The following ABCA9 variants were observed in gnomAD, a reference collection of about 807,000 sequenced individuals.
ABCA9 encodes the protein ATP-binding cassette sub-family A member 9.
Under a neutral mutation model 205.3 loss-of-function variants are expected in ABCA9, and 183 were observed. The ratio of observed to expected loss-of-function variants is 0.89; its 90% CI spans 0.79 to 1.01. The LOEUF is 1.01. ABCA9 is among the 50% of genes least tolerant of loss of function. The probability of loss-of-function intolerance (pLI) is 0.00; values close to 1 mark genes in which losing one functional copy is unlikely to be tolerated. For synonymous variants in ABCA9, 651 were observed against 683.3 expected, an observed-to-expected ratio of 0.95 and a Z score of 0.74; for missense variants, 1,805 against 1,912.4, an observed-to-expected ratio of 0.94 and a Z score of 1.05.
chr17:68,975,962 A>T lies in ABCA9; in HGVS notation c.4828T>A (p.Phe1610Ile). 1 of 1,613,818 alleles carries T rather than the reference A, an allele frequency of 6.2e-7. No homozygotes were observed. The highest frequency in any genetic ancestry group is 8.5e-7 in the Non-Finnish European group (1 of 1,179,876). The part of the protein sequence containing the change: ...EQELGDLEED[F>I]DPSVKWKLLL... ...AGTTTCCACTTCACCGAGGGATCAA[A>T]GTCCTCTTCAAGATCACCCAGCTCC... Residue 1610 changes from phenylalanine to isoleucine, a missense_variant, in exon 39 of 39, where the codon TTT (phenylalanine) becomes ATT (isoleucine). Phe to Ile is a conservative substitution (Grantham distance 21, BLOSUM62 0). Transcript: ENST00000340001.
chr17:68,989,711 G>T, intron 30 of ABCA9, 102 bp downstream of exon 30: 1 of 722,916 alleles, frequency 1.4e-6, no homozygotes, highest in Non-Finnish European at 2.3e-6. Flanking sequence ...TTAGCCTGCT[G>T]CGTTTGTCAA....
intron 10 of ABCA9, 30 bp downstream of exon 10, chr17:69,032,078 A>G: frequency 6.3e-7 from 1 of 1,584,982 alleles, no homozygotes; most frequent in Non-Finnish European, 8.6e-7. Context: ...CCTGTTCTCC[A>G]TTGGTGCCTC....
intron 1 of ABCA9, among the ~76,000 whole-genome samples, chr17:69,060,214 T>C (rs1035701251): frequency 2.0e-5 from 3 of 152,132 alleles, no homozygotes; most frequent in Non-Finnish European, 4.4e-5. Context: ...ATATAAAACA[T>C]CTAATTAGCT....
At chr17:69,074,742 A>G in the ABCA9 span, among the ~76,000 whole-genome samples, 3 of 152,114 alleles carry the variant, frequency 2.0e-5, no homozygotes, top group Admixed American at 2.0e-4. Flanking sequence ...TTGGAAATTT[A>G]TCCATTTCCT....
At chr17:69,033,905 G>C in intron 8 of ABCA9, 32 bp from the exon 9 acceptor site, 3 of 1,478,416 alleles carry the variant, frequency 2.0e-6, no homozygotes, top group Non-Finnish European at 2.8e-6. Flanking sequence ...AATTTTAAAA[G>C]AATTAATATG....
At chr17:68,992,290 C>T in intron 27 of ABCA9, 24 bp from the exon 28 acceptor site, 1 of 1,356,294 alleles carries the variant, frequency 7.4e-7, no homozygotes, top group Non-Finnish European at 1.0e-6. Flanking sequence ...AAGACAATCA[C>T]AATTAGTATC....
chr17:69,070,656 G>A, the ABCA9 span, among the ~76,000 whole-genome samples: 1 of 152,196 alleles, frequency 6.6e-6, no homozygotes. Flanking sequence ...CAAGCACAAA[G>A]CTGGATGGCC....
chr17:68,984,083 A>ACTCGG lies in ABCA9; in HGVS notation c.4467_4471dup (p.Val1491AlafsTer11), dbSNP rs2069151711. 1 of 1,613,944 alleles carries ACTCGG rather than the reference A, an allele frequency of 6.2e-7. No homozygotes were observed. The highest frequency in any genetic ancestry group is 1.3e-5 in the African/African-American group (1 of 74,892). ...CAGCCTTCCTGACACCATGATGGCC[A>ACTCGG]CTCGGTCACACACCGCCTCAGCCTC... On this transcript the variant is annotated frameshift_variant, in exon 35 of 39. Coordinates refer to ENST00000340001, the MANE Select transcript of ABCA9 (RefSeq NM_080283.4). LOFTEE classifies it high-confidence loss of function.
chr17:69,059,272 A>AG (rs1220037681), intron 1 of ABCA9, among the ~76,000 whole-genome samples: 3 of 152,182 alleles, frequency 2.0e-5, no homozygotes, highest in African/African-American at 7.2e-5. Context: ...TACATGACAA[A>AG]GGGGAATTAA....
chr17:68,992,051 G>T, intron 28 of ABCA9, 124 bp downstream of exon 28: 1 of 585,490 alleles, frequency 1.7e-6, no homozygotes, highest in Non-Finnish European at 2.9e-6. Context: ...TAAGAATTTT[G>T]TATATCACAG....
chr17:69,052,822 T>C (rs1598416099), intron 1 of ABCA9, among the ~76,000 whole-genome samples: 1 of 152,242 alleles, frequency 6.6e-6, no homozygotes. Context: ...TGACTGGCTA[T>C]ATATTAGGGG....
chr17:68,975,893 A>AAGAT lies in ABCA9; in HGVS notation c.*18_*21dup. The AAGAT allele has an allele frequency of 2.6e-6, 4 of 1,559,848 alleles. No individual in the cohort carries two copies. The highest frequency in any genetic ancestry group is 3.5e-6 in the Non-Finnish European group (4 of 1,135,384). ...TTTAAAAGAGTCACAGGATTAAAGA[A>AAGAT]AGATATAGGGTATTTGGAGCTTTAA... On this transcript the variant is annotated 3_prime_UTR_variant, in exon 39 of 39. Coordinates refer to ENST00000340001, the MANE Select transcript of ABCA9 (RefSeq NM_080283.4).
At chr17:69,061,502 C>G (rs1159345131), upstream of ABCA9, among the ~76,000 whole-genome samples, 4 of 152,164 alleles carry the variant, frequency 2.6e-5, no homozygotes. Flanking sequence ...ATCTGCATCT[C>G]AGTTTCATTG....
At chr17:68,979,537 C>T (rs377579808) in intron 37 of ABCA9, among the ~76,000 whole-genome samples, 1 of 149,236 alleles carries the variant, frequency 6.7e-6, no homozygotes, top group Admixed American at 6.6e-5. Flanking sequence ...CAAACTATAC[C>T]ACAAGGCTAC....
chr17:68,990,857 C>A lies in ABCA9; in HGVS notation c.3817G>T (p.Ala1273Ser), dbSNP rs753108102. The part of the protein sequence containing the change: ...MERMRTVNAM[A>S]VRDFDETPVI... Reference sequence around the variant, plus strand: ...TCTACCTCATCAAAGTCTCGCACAGCCATAGCATTCACTGTTCTCATTCTT... The same window carrying A: ...TCTACCTCATCAAAGTCTCGCACAGACATAGCATTCACTGTTCTCATTCTT... Residue 1273 changes from alanine (A) to serine (S), a missense_variant, in exon 29 of 39, where the codon GCT (alanine) becomes TCT (serine). Transcript: ENST00000340001. 1.2e-6 allele frequency: 2 copies of A among 1,613,800 alleles called. No individual in the cohort carries two copies. The highest frequency in any genetic ancestry group is 2.7e-5 in the African/African-American group (2 of 75,018).
At chr17:69,069,949 G>T in the ABCA9 span, among the ~76,000 whole-genome samples, 10 of 152,058 alleles carry the variant, frequency 6.6e-5, no homozygotes, top group African/African-American at 9.7e-5. Context: ...CACAAGCAAA[G>T]ATTTCATTAT....
chr17:69,078,895 A>C, the ABCA9 span: 1 of 787,576 alleles, frequency 1.3e-6, no homozygotes, highest in Non-Finnish European at 1.9e-6. Context: ...AATGATCTTT[A>C]AAATTAAACA....
rs1022702378 is a variant in ABCA9, at chr17:69,043,275, G to A, written c.800+214C>T. 7 of 471,814 alleles carry A rather than the reference G, an allele frequency of 1.5e-5. No individual in the cohort carries two copies. In the Admixed American group the frequency reaches 2.4e-4, roughly 16 times the overall value. 29.2% of individuals were successfully genotyped at this position (471,814 alleles called of 1,614,324 possible). On this transcript the variant is annotated intron_variant, in intron 6 of 38. Coordinates refer to ENST00000340001, the MANE Select transcript of ABCA9 (RefSeq NM_080283.4). Reference sequence around the variant, plus strand: ...TTCTGACAGGAGGTGGAGCTCAGGTGGTAATGTGAGCAATAGGGAGTGGCT... The same window carrying A: ...TTCTGACAGGAGGTGGAGCTCAGGTAGTAATGTGAGCAATAGGGAGTGGCT...
rs79875353 is a variant in ABCA9, at chr17:68,998,157, G to A, written c.3436-2143C>T. Among the ~76,000 whole-genome samples the A allele has an allele frequency of 8.4e-3, 1,274 of 152,308 alleles. 24 individuals carry two copies. Among genetic ancestry groups the A allele is most frequent in the African/African-American group, 0.029 (1,191 of 41,560 alleles). ...CAAAATAATATTCCATTGTCTGGAT[G>A]TAACACAGTTTGTCTATTCACCATC... On this transcript the variant is annotated intron_variant, in intron 25 of 38. Transcript: ENST00000340001.
Sources: gnomAD v4.1 joint callset for allele counts (sites outside exome capture counted in the v4.1 genomes callset) on GRCh38, gnomAD v4.1.1 for gene constraint, MANE v1.5 for transcripts, NCBI Gene and HGNC (gene_info 2026-07-23, HGNC 2026-07-21) for gene names.